AP2A2: variants seen among roughly 807,000 people sequenced by gnomAD.
The protein encoded by AP2A2 is adaptor related protein complex 2 subunit alpha 2, also known as AP-2 complex subunit alpha-2.
Under a neutral mutation model 104.2 loss-of-function variants are expected in AP2A2, and 32 were observed. The ratio of observed to expected loss-of-function variants is 0.31; its 90% CI spans 0.23 to 0.41. The LOEUF is 0.41. Among genes scored for constraint, AP2A2 ranks in the 10% least tolerant of loss-of-function variants. The pLI, the probability that AP2A2 is intolerant of heterozygous loss-of-function variation, is 1.00. For synonymous variants in AP2A2, 539 were observed against 533.3 expected, an observed-to-expected ratio of 1.01 and a Z score of -0.15; for missense variants, 912 against 1,261.0, an observed-to-expected ratio of 0.72 and a Z score of 4.19.
intron 16 of AP2A2, among the ~76,000 whole-genome samples, chr11:1,004,438 A>T (rs552919220): frequency 6.6e-6 from 1 of 152,264 alleles, no homozygotes; most frequent in East Asian, 1.9e-4. Flanking sequence ...ATGCCACTGC[A>T]CTACAGCCTG....
At chr11:934,069 C>T (rs1357099565) in intron 1 of AP2A2, among the ~76,000 whole-genome samples, 1 of 151,922 alleles carries the variant, frequency 6.6e-6, no homozygotes, top group African/African-American at 2.4e-5. Flanking sequence ...TGCTGTGTGT[C>T]CCTGAGGCCA....
chr11:1,006,846 C>T (rs943795062), intron 17 of AP2A2: 4 of 537,788 alleles, frequency 7.4e-6, no homozygotes, highest in African/African-American at 3.9e-5. Context: ...CTAAAAATAC[C>T]GTGTACATGC....
intron 1 of AP2A2, among the ~76,000 whole-genome samples, chr11:931,303 T>C (rs184015395): frequency 5.0e-4 from 76 of 152,334 alleles, no homozygotes; most frequent in Non-Finnish European, 9.4e-4. Flanking sequence ...TTTGGAACTT[T>C]CGTTTGTTTT....
At chr11:970,117 T>C in intron 2 of AP2A2, 52 bp from the exon 3 acceptor site, 1 of 1,598,610 alleles carries the variant, frequency 6.3e-7, no homozygotes, top group Non-Finnish European at 8.5e-7. Flanking sequence ...CTCTCCCCTC[T>C]CCCCTGCCTC....
chr11:1,007,954 G>C, intron 17 of AP2A2, 58 bp from the exon 18 acceptor site: 3 of 1,550,336 alleles, frequency 1.9e-6, no homozygotes, highest in Non-Finnish European at 2.6e-6. Context: ...GCTCTAGCCC[G>C]GCCCGTTTCC....
rs1295117996 is a variant in AP2A2, at chr11:992,957, G to A, written c.1452+272G>A. Among the ~76,000 whole-genome samples the A allele has an allele frequency of 1.3e-5, 2 of 152,322 alleles. No homozygotes were observed. The highest frequency in any genetic ancestry group is 4.1e-4 in the South Asian group (2 of 4,826). Reference sequence around the variant, plus strand: ...GTGTGAGAGCATGCTGGGGCATGCCGTGGTGGGGCCTGCCCTGTCCGTCGG... The same window carrying A: ...GTGTGAGAGCATGCTGGGGCATGCCATGGTGGGGCCTGCCCTGTCCGTCGG... On this transcript the variant is annotated intron_variant, in intron 11 of 21. Coordinates refer to ENST00000448903, the MANE Select transcript of AP2A2 (RefSeq NM_012305.4). This position sits in a 1 kb window ranked among gnomAD's most constrained non-coding sequence, Gnocchi z 6.4.
At chr11:1,008,252 T>C in intron 18 of AP2A2, 117 bp downstream of exon 18, 1 of 1,369,078 alleles carries the variant, frequency 7.3e-7, no homozygotes, top group Non-Finnish European at 9.7e-7. Flanking sequence ...GTGCGGGTGC[T>C]CACGGTGCAT....
rs1191297755 is a variant in AP2A2 at position 993,695 on chromosome 11, G to T, written c.1551-59G>T. ...TCGCCGCCGTCCCCCCCCCGCGGGG[G>T]CGTGCTGCAGCCTGCGAGGGGACGA... On this transcript the variant is annotated intron_variant, in intron 12 of 21. Transcript: ENST00000448903. This position sits in a 1 kb window ranked among gnomAD's most constrained non-coding sequence, Gnocchi z 8.2. The T allele has an allele frequency of 7.4e-7, 1 of 1,359,304 alleles. No individual in the cohort carries two copies. The highest frequency in any genetic ancestry group is 2.0e-5 in the Admixed American group (1 of 49,260). The allele number at this position is 1,359,304 out of a possible 1,614,324, so 84.2% of individuals were successfully genotyped here.
At position 981,238 on chromosome 11, in the gene AP2A2, C is replaced by T. The variant is rs1855226758; in HGVS notation, c.644C>T (p.Ala215Val). ...TAATSLITTL[A>V]QKNPEEFKTS... ...GCCACAAGTCTGATCACCACTTTAG[C>T]ACAGAAGAACCCAGAAGAGTTTAAA... The change falls in exon 6 of 22, where the codon GCA becomes GTA. Residue 215 changes from alanine (A) to valine (V), a missense_variant. Physicochemically the swap from Ala to Val is moderately conservative, Grantham distance 64. This residue lies in a region of AP2A2 where 350 missense variants were observed against 487.0 expected (regional missense o/e 0.72). Coordinates refer to ENST00000448903, the MANE Select transcript of AP2A2 (RefSeq NM_012305.4). 5 of 1,613,676 alleles carry T rather than the reference C, an allele frequency of 3.1e-6. No homozygotes were observed. The East Asian group carries it at 6.7e-5, about 22-fold the overall frequency.
chr11:1,010,168 T>C (rs1437290567), intron 21 of AP2A2: 5 of 466,848 alleles, frequency 1.1e-5, no homozygotes, highest in African/African-American at 9.6e-5. Flanking sequence ...TGTTCCTCTC[T>C]GTCACCGCGT....
At chr11:940,015 G>T (rs543526081) in intron 1 of AP2A2, among the ~76,000 whole-genome samples, 1 of 147,762 alleles carries the variant, frequency 6.8e-6, no homozygotes, top group African/African-American at 2.5e-5. Flanking sequence ...TAGTGCAGTG[G>T]CGCGATCTCG....
rs781228033 is a variant in AP2A2 at position 1,009,122 on chromosome 11, G to A, written c.2443G>A (p.Val815Met). The A allele has an allele frequency of 3.1e-6, 5 of 1,613,134 alleles. No homozygotes were observed. Among genetic ancestry groups the A allele is most frequent in the South Asian group, 2.2e-5 (2 of 91,040 alleles). The change falls in exon 19 of 22, where the codon GTG (valine) becomes ATG (methionine). Residue 815 changes from valine (V) to methionine (M), a missense_variant. Physicochemically the swap from Val to Met is conservative, Grantham distance 21. This residue lies in a region of AP2A2 where 239 missense variants were observed against 329.8 expected (regional missense o/e 0.72). Transcript: ENST00000448903. ...QFRYGGTFQN[V>M]SVQLPITLNK... ...CAGGTATGGGGGCACCTTCCAGAAC[G>A]TGTCTGTGCAGCTGCCCATCACTCT...
At chr11:985,776 G>A (rs934646288) in intron 8 of AP2A2, among the ~76,000 whole-genome samples, 194 bp downstream of exon 8, 2 of 152,174 alleles carry the variant, frequency 1.3e-5, no homozygotes, top group Non-Finnish European at 2.9e-5. Context: ...GCTCACCGTG[G>A]ATTGCTTTGG....
At chr11:1,003,831 C>G in intron 16 of AP2A2, 27 bp downstream of exon 16, 3 of 1,456,342 alleles carry the variant, frequency 2.1e-6, no homozygotes, top group Non-Finnish European at 2.9e-6. Flanking sequence ...CTTAATGAAA[C>G]TGTCTCTTAG....
rs905541763 is a variant in AP2A2 at position 972,276 on chromosome 11, G to A, written c.473+21G>A. The A allele has an allele frequency of 6.4e-6, 10 of 1,550,682 alleles. No homozygotes were observed. In the African/African-American group the frequency reaches 8.2e-5, roughly 13 times the overall value. ...GCCGGGTATGTGCCGGGCTCGTGCC[G>A]GGCTCCTGCTGAAGATGTGCTGCTT... On this transcript the variant is annotated intron_variant, in intron 4 of 21. Transcript: ENST00000448903.
In AP2A2 at chr11:992,713, TG is replaced by T. The variant is rs767669613; in HGVS notation, c.1452+32del. 2 of 1,612,764 alleles carry T rather than the reference TG, an allele frequency of 1.2e-6. No homozygotes were observed. The highest frequency in any genetic ancestry group is 1.3e-5 in the African/African-American group (1 of 74,894). The stretch of plus-strand genomic sequence containing the variant: ...ATGGCCCGCAGGATGGCAGGAAGGA[TG>T]GGGTGGAGGGCAGTTGCAGAAGGTG... On this transcript the variant is annotated intron_variant, in intron 11 of 21. Transcript: ENST00000448903. This position sits in a 1 kb window ranked among gnomAD's most constrained non-coding sequence, Gnocchi z 6.4.
rs564635444 is a variant in AP2A2, at chr11:935,216, C to T, written c.67+9128C>T. ...CTACAGATGCGCGCACCACCATGCCCGGCTAATTTTTGTATTTTTTTTAGT... is the reference window on the plus strand; with the variant it reads ...CTACAGATGCGCGCACCACCATGCCTGGCTAATTTTTGTATTTTTTTTAGT... On this transcript the variant is annotated intron_variant, in intron 1 of 21. Transcript: ENST00000448903. Among the ~76,000 whole-genome samples, 9 of 152,210 alleles carry T rather than the reference C, an allele frequency of 5.9e-5. No homozygotes were observed. In the East Asian group the frequency reaches 7.7e-4, roughly 13 times the overall value.
At position 974,320 on chromosome 11, in the gene AP2A2, T is replaced by G. The variant is rs1461128329; in HGVS notation, c.473+2065T>G. Among the ~76,000 whole-genome samples the G allele has an allele frequency of 2.0e-5, 3 of 152,282 alleles. No individual in the cohort carries two copies. The East Asian group carries it at 5.8e-4, about 29-fold the overall frequency. ...CCTACCTCAGAGAGCTCAGGTAACA[T>G]GGTACCCATGGGCCTTCCTTGAAGA... On this transcript the variant is annotated intron_variant, in intron 4 of 21. Transcript: ENST00000448903.
At chr11:962,169 C>T (rs1854464873) in intron 2 of AP2A2, among the ~76,000 whole-genome samples, 1 of 152,378 alleles carries the variant, frequency 6.6e-6, no homozygotes, top group Admixed American at 6.5e-5. Flanking sequence ...CGGACCATGA[C>T]AAAGCCAGCC....
Sources: allele counts gnomAD v4.1 joint callset (sites outside exome capture counted in the v4.1 genomes callset), GRCh38; gene constraint gnomAD v4.1.1; regional missense constraint gnomAD v4.1.1; non-coding constraint Gnocchi (gnomAD v3.1); transcripts MANE v1.5; gene names NCBI Gene and HGNC (gene_info 2026-07-23, HGNC 2026-07-21).